Variants in MAST2 observed in about 807,000 individuals in gnomAD.
The protein encoded by MAST2 is microtubule-associated serine/threonine-protein kinase 2.
Under a neutral mutation model 147.4 loss-of-function variants are expected in MAST2, and 70 were observed. The observed-to-expected ratio is 0.47, with a 90% CI of 0.39 to 0.58. MAST2 has a LOEUF of 0.58. Among genes scored for constraint, MAST2 ranks in the 20% least tolerant of loss-of-function variants. The probability of loss-of-function intolerance (pLI) is 0.00; values close to 1 mark genes in which losing one functional copy is unlikely to be tolerated. For missense variants in MAST2, 2,080 were observed against 2,302.3 expected, an observed-to-expected ratio of 0.90 and a Z score of 1.98; for synonymous variants, 869 against 896.8, an observed-to-expected ratio of 0.97 and a Z score of 0.55.
At chr1:45,950,940 G>T (rs913491182) in intron 4 of MAST2, among the ~76,000 whole-genome samples, 15 of 152,154 alleles carry the variant, frequency 9.9e-5, no homozygotes, top group African/African-American at 3.4e-4. Context: ...AATGTTAGCT[G>T]AGTGTGGTGG....
chr1:45,816,221 A>AAGAGAGAGAGAGAGAGAGAGAAAG (rs1644449045), intron 1 of MAST2, among the ~76,000 whole-genome samples: 4 of 134,738 alleles, frequency 3.0e-5, no homozygotes, highest in African/African-American at 1.1e-4. Flanking sequence ...GAGAGAGAGA[A>AAGAGAGAGAGAGAGAGAGAGAAAG]AGAGAGAGAG....
chr1:45,925,075 T>A (rs1426285674), intron 4 of MAST2, among the ~76,000 whole-genome samples: 2 of 152,200 alleles, frequency 1.3e-5, no homozygotes, highest in Non-Finnish European at 2.9e-5. Flanking sequence ...GCCCCAGAGT[T>A]GGAAAACAGT....
chr1:45,851,480 G>A (rs1645622700), intron 3 of MAST2, among the ~76,000 whole-genome samples: 1 of 152,138 alleles, frequency 6.6e-6, no homozygotes, highest in Non-Finnish European at 1.5e-5. Flanking sequence ...TGATTGCTGT[G>A]GCTAGAACTT....
intron 3 of MAST2, among the ~76,000 whole-genome samples, chr1:45,840,484 CAT>C (rs1351276810): frequency 6.6e-6 from 1 of 152,220 alleles, no homozygotes; most frequent in Non-Finnish European, 1.5e-5. Flanking sequence ...ACTTAGTAAT[CAT>C]ATGACCCTCT....
At chr1:45,932,288 TC>T (rs1176201298) in intron 4 of MAST2, among the ~76,000 whole-genome samples, 4 of 152,356 alleles carry the variant, frequency 2.6e-5, no homozygotes, top group African/African-American at 9.6e-5. Context: ...TTTTACAATT[TC>T]ATAATTCTTT....
intron 4 of MAST2, among the ~76,000 whole-genome samples, chr1:45,903,553 G>A (rs1464466937): frequency 2.0e-5 from 3 of 152,134 alleles, no homozygotes; most frequent in Non-Finnish European, 4.4e-5. Flanking sequence ...ATTGTTTACT[G>A]TAAAGTCATT....
rs967794723 is a variant in MAST2 at position 46,030,646 on chromosome 1, C to T, written c.2593C>T (p.Arg865Cys). ...SMERLSLLEERRTPPPTKRSL... is the reference protein window; with the variant it reads ...SMERLSLLEECRTPPPTKRSL... Reference sequence around the variant, plus strand: ...GGAGCGGCTCTCACTGCTCGAGGAGCGCCGGACACCACCCCCGACCAAGCG... The same window carrying T: ...GGAGCGGCTCTCACTGCTCGAGGAGTGCCGGACACCACCCCCGACCAAGCG... Residue 865 changes from arginine (R) to cysteine (C), a missense_variant, in exon 22 of 29, where the codon CGC becomes TGC. Physicochemically the swap from Arg to Cys is radical, Grantham distance 180 (BLOSUM62 -3). This residue lies in a region of MAST2 where 1,278 missense variants were observed against 1,304.2 expected (regional missense o/e 0.98). Transcript: ENST00000361297. 1.8e-5 allele frequency: 29 copies of T among 1,611,426 alleles called. No homozygotes were observed. The highest frequency in any genetic ancestry group is 3.4e-5 in the Admixed American group (2 of 59,594).
chr1:45,974,350 A>G (rs143100226), intron 5 of MAST2, among the ~76,000 whole-genome samples: 7 of 152,192 alleles, frequency 4.6e-5, no homozygotes, highest in African/African-American at 1.7e-4. Context: ...TAATCCCCAC[A>G]CTTCAGGAGG....
At chr1:46,006,193 GC>G (rs1365596251) in intron 7 of MAST2, 47 bp from the exon 8 acceptor site, 8 of 1,575,756 alleles carry the variant, frequency 5.1e-6, no homozygotes, top group Non-Finnish European at 6.9e-6. Context: ...TTCTTGGACT[GC>G]TCTGGGACAT....
At chr1:45,931,174 G>A (rs1655226577) in intron 4 of MAST2, among the ~76,000 whole-genome samples, 1 of 152,156 alleles carries the variant, frequency 6.6e-6, no homozygotes, top group Admixed American at 6.5e-5. Flanking sequence ...GAATTTTACT[G>A]TTATTCGTCT....
rs577635611 is a variant in MAST2 at position 46,016,060 on chromosome 1, A to G, written c.1189-3536A>G. 7.2e-3 allele frequency among the ~76,000 whole-genome samples: 1,088 copies of G among 152,094 alleles called. 16 individuals carry two copies. The highest frequency in any genetic ancestry group is 0.025 in the African/African-American group (1,026 of 41,492). On this transcript the variant is annotated intron_variant, in intron 10 of 28. Coordinates refer to ENST00000361297, the MANE Select transcript of MAST2 (RefSeq NM_015112.3). ...AAATGTAATCCAGCATATAAACAGA[A>G]CCAAAGACAAAAACCACATGATTAT...
rs940736475 is a variant in MAST2 at position 45,861,412 on chromosome 1, ATTTT to A, written c.469-20940_469-20937del. Among the ~76,000 whole-genome samples, 2 of 143,680 alleles carry A rather than the reference ATTTT, an allele frequency of 1.4e-5. 1 individual carries two copies. Among genetic ancestry groups the A allele is most frequent in the South Asian group, 4.4e-4 (2 of 4,516 alleles). 94.3% of individuals were successfully genotyped at this position (143,680 alleles called of 152,430 possible). ...TTCTTGTTCTCTGTATTATCTCTCA[ATTTT>A]TTTTTTTTTTTACTCATCTCAAATT... is the stretch of plus-strand genomic sequence containing the variant. On this transcript the variant is annotated intron_variant, in intron 3 of 28. Coordinates refer to ENST00000361297, the MANE Select transcript of MAST2 (RefSeq NM_015112.3).
intron 5 of MAST2, among the ~76,000 whole-genome samples, chr1:45,980,337 T>C (rs1296202005): frequency 6.9e-6 from 1 of 144,722 alleles, no homozygotes; most frequent in Non-Finnish European, 1.5e-5. Context: ...GGGGCAAGAG[T>C]TGAAAAAGTA....
Position 45,829,291 on chromosome 1 carries a change from G to A in MAST2, c.326-148G>A, listed in dbSNP as rs536424984. ...CAGTCACAATTTTTAATGGATAGTTGGAAATTTTAATAGATTCTAAAATGG... is the reference window on the plus strand; with the variant it reads ...CAGTCACAATTTTTAATGGATAGTTAGAAATTTTAATAGATTCTAAAATGG... On this transcript the variant is annotated intron_variant, in intron 2 of 28. Coordinates refer to ENST00000361297, the MANE Select transcript of MAST2 (RefSeq NM_015112.3). 66 of 656,902 alleles carry A rather than the reference G, an allele frequency of 1.0e-4. No homozygotes were observed. The East Asian group carries it at 1.9e-3, about 19-fold the overall frequency. 40.7% of individuals were successfully genotyped at this position (656,902 alleles called of 1,614,324 possible). A position where few individuals can be genotyped will look rare whatever the true frequency, so the allele number is the denominator to read the frequency against.
chr1:45,824,249 G>C (rs1644724396), intron 1 of MAST2, among the ~76,000 whole-genome samples, 184 bp from the exon 2 acceptor site: 1 of 152,104 alleles, frequency 6.6e-6, no homozygotes, highest in East Asian at 1.9e-4. Flanking sequence ...TCAATATCCT[G>C]TGTCCTTTAC....
intron 5 of MAST2, among the ~76,000 whole-genome samples, chr1:45,979,705 T>TA (rs1390423673): frequency 2.0e-5 from 3 of 152,106 alleles, no homozygotes; most frequent in Non-Finnish European, 4.4e-5. Flanking sequence ...TATGATGGCT[T>TA]ACACCTGTAG....
intron 3 of MAST2, among the ~76,000 whole-genome samples, chr1:45,833,530 C>G (rs751278519): frequency 1.3e-5 from 2 of 152,056 alleles, no homozygotes; most frequent in African/African-American, 4.8e-5. Flanking sequence ...TTTCATTCCT[C>G]GTGGATATAT....
intron 6 of MAST2, 112 bp from the exon 7 acceptor site, chr1:46,002,693 G>T (rs1645320823): frequency 1.2e-5 from 10 of 837,090 alleles, no homozygotes; most frequent in South Asian, 5.6e-5. Flanking sequence ...ATGTCTTAAG[G>T]AGGAGCCCTA....
intron 3 of MAST2, among the ~76,000 whole-genome samples, chr1:45,876,978 CCA>C (rs1646632438): frequency 6.6e-6 from 1 of 152,152 alleles, no homozygotes; most frequent in African/African-American, 2.4e-5. Context: ...ACAAATATTT[CCA>C]GTTTTATATA....
Sources: allele counts gnomAD v4.1 joint callset (sites outside exome capture counted in the v4.1 genomes callset), GRCh38; gene constraint gnomAD v4.1.1; regional missense constraint gnomAD v4.1.1; transcripts MANE v1.5; gene names NCBI Gene and HGNC (gene_info 2026-07-23, HGNC 2026-07-21).